PCDH9: variants seen among roughly 807,000 people sequenced by gnomAD.
PCDH9 encodes the protein protocadherin 9, also known as protocadherin-9.
PCDH9 carries 24 observed loss-of-function variants against 70.6 expected under a neutral mutation model. The ratio of observed to expected loss-of-function variants is 0.34; its 90% CI spans 0.25 to 0.48. The LOEUF is 0.48. Among genes scored for constraint, PCDH9 ranks in the 20% least tolerant of loss-of-function variants. The pLI, the probability that PCDH9 is intolerant of heterozygous loss-of-function variation, is 0.99. For synonymous variants in PCDH9, 562 were observed against 558.5 expected (o/e 1.01, Z -0.09); for missense variants, 1,281 against 1,503.6 (o/e 0.85, Z 2.45).
chr13:67,200,390 T>C (rs2089180056), intron 2 of PCDH9, among the ~76,000 whole-genome samples: 1 of 151,992 alleles, frequency 6.6e-6, no homozygotes, highest in Admixed American at 6.6e-5. Context: ...GCAGGTTTAA[T>C]AAGGTGGTAT....
intron 2 of PCDH9, among the ~76,000 whole-genome samples, chr13:67,161,864 G>A (rs947917999): frequency 8.5e-5 from 13 of 152,112 alleles, no homozygotes. Flanking sequence ...TAGTAGCAAC[G>A]ACACAACTCC....
At chr13:67,084,138 A>G (rs936743389) in intron 2 of PCDH9, among the ~76,000 whole-genome samples, 2 of 152,212 alleles carry the variant, frequency 1.3e-5, no homozygotes, top group African/African-American at 4.8e-5. Flanking sequence ...AACAGTAGCC[A>G]AATAAGCTAG....
At chr13:67,206,067 C>G (rs569718706) in intron 2 of PCDH9, 4 of 152,158 alleles carry the variant, frequency 2.6e-5, no homozygotes, top group African/African-American at 9.7e-5. Context: ...TCTCAAACTC[C>G]TGAACTCAAG....
chr13:67,024,549 C>T (rs1264224492), intron 2 of PCDH9, among the ~76,000 whole-genome samples: 1 of 151,654 alleles, frequency 6.6e-6, no homozygotes, highest in African/African-American at 2.4e-5. Context: ...TTTTTTTCTA[C>T]TTATTGTATC....
At chr13:66,641,222 T>A (rs1470107154) in intron 3 of PCDH9, among the ~76,000 whole-genome samples, 3 of 152,136 alleles carry the variant, frequency 2.0e-5, no homozygotes, top group Non-Finnish European at 4.4e-5. Context: ...ATCAGTCACA[T>A]CTTTTTCAGC....
At chr13:66,430,635 A>T (rs1243078904) in intron 4 of PCDH9, among the ~76,000 whole-genome samples, 1 of 152,022 alleles carries the variant, frequency 6.6e-6, no homozygotes, top group East Asian at 1.9e-4. Context: ...GTGCTTCCTT[A>T]CCCTGCTTTC....
intron 4 of PCDH9, among the ~76,000 whole-genome samples, chr13:66,314,182 A>G (rs1955611295): frequency 6.6e-6 from 1 of 152,222 alleles, no homozygotes; most frequent in Admixed American, 6.5e-5. Context: ...GTGTTCAAGA[A>G]TCACACTTTG....
At chr13:66,868,226 A>C (rs572469196) in intron 3 of PCDH9, among the ~76,000 whole-genome samples, 1 of 152,006 alleles carries the variant, frequency 6.6e-6, no homozygotes, top group Non-Finnish European at 1.5e-5. Flanking sequence ...ATACTAGTCT[A>C]TGAAGATAAC....
At chr13:66,532,370 A>C (rs1431151159) in intron 4 of PCDH9, among the ~76,000 whole-genome samples, 1 of 152,130 alleles carries the variant, frequency 6.6e-6, no homozygotes, top group African/African-American at 2.4e-5. Context: ...TCAGCATAGA[A>C]TTTGTCTAAA....
chr13:66,795,978 G>A (rs1226975616), intron 3 of PCDH9, among the ~76,000 whole-genome samples: 1 of 152,106 alleles, frequency 6.6e-6, no homozygotes, highest in Admixed American at 6.6e-5. Context: ...TTCTAGGATG[G>A]CTGTCTGCAC....
intron 2 of PCDH9, among the ~76,000 whole-genome samples, chr13:67,021,772 C>G (rs2084677582): frequency 6.6e-6 from 1 of 152,040 alleles, no homozygotes; most frequent in Non-Finnish European, 1.5e-5. Context: ...GTTGGCCAGG[C>G]TGGTTTCCAA....
intron 4 of PCDH9, among the ~76,000 whole-genome samples, chr13:66,319,910 A>T (rs1403532460): frequency 1.3e-5 from 2 of 152,072 alleles, no homozygotes; most frequent in Non-Finnish European, 2.9e-5. Context: ...TAATTTCCAA[A>T]TTCCTTTGTC....
At chr13:66,581,581 G>T (rs892945667) in intron 4 of PCDH9, among the ~76,000 whole-genome samples, 1 of 152,102 alleles carries the variant, frequency 6.6e-6, no homozygotes. Context: ...ATGGGTAAAA[G>T]GAAGGACGTT....
intron 4 of PCDH9, among the ~76,000 whole-genome samples, chr13:66,450,015 T>A (rs1046270072): frequency 6.6e-6 from 1 of 152,126 alleles, no homozygotes; most frequent in African/African-American, 2.4e-5. Context: ...TTATAAAATA[T>A]AAAGGAGGCA....
chr13:67,079,288 T>C (rs2085938763), intron 2 of PCDH9, among the ~76,000 whole-genome samples: 1 of 152,090 alleles, frequency 6.6e-6, no homozygotes, highest in Non-Finnish European at 1.5e-5. Flanking sequence ...ATTATAACAG[T>C]CAGAAATCTA....
At chr13:66,724,966 C>T (rs933558557) in intron 3 of PCDH9, among the ~76,000 whole-genome samples, 1 of 152,140 alleles carries the variant, frequency 6.6e-6, no homozygotes, top group Non-Finnish European at 1.5e-5. Flanking sequence ...TTAAATATTA[C>T]ATAGTGCTGA....
chr13:66,883,365 A>ATGTG (rs140876286), intron 3 of PCDH9, among the ~76,000 whole-genome samples: 6 of 151,420 alleles, frequency 4.0e-5, no homozygotes, highest in South Asian at 2.1e-4. Flanking sequence ...ATCAGCACTA[A>ATGTG]TGTGTGTGTG....
intron 4 of PCDH9, among the ~76,000 whole-genome samples, chr13:66,491,425 G>A (rs1251639178): frequency 6.6e-6 from 1 of 150,664 alleles, no homozygotes; most frequent in African/African-American, 2.5e-5. Flanking sequence ...GTGTATGAGA[G>A]AGAGAGACTG....
intron 2 of PCDH9, chr13:67,222,243 T>G (rs2089743791): frequency 1.1e-4 from 1 of 9,068 alleles, no homozygotes; most frequent in African/African-American, 1.5e-4. Context: ...AACTTTGTTG[T>G]TTTTTTTTTT....
Sources: allele counts gnomAD v4.1 joint callset (sites outside exome capture counted in the v4.1 genomes callset), GRCh38; gene constraint gnomAD v4.1.1; transcripts MANE v1.5; gene names NCBI Gene and HGNC (gene_info 2026-07-23, HGNC 2026-07-21).